MEF2D: variants seen among roughly 807,000 people sequenced by gnomAD.
MEF2D encodes myocyte enhancer factor 2D.
Under a neutral mutation model 59.3 loss-of-function variants are expected in MEF2D, and 10 were observed. The observed-to-expected ratio is 0.17, with a 90% CI of 0.10 to 0.29. MEF2D has a LOEUF of 0.29. Among genes scored for constraint, MEF2D ranks in the 10% least tolerant of loss-of-function variants. MEF2D has a pLI of 1.00. For missense variants in MEF2D, 508 were observed against 699.4 expected (o/e 0.73, Z 3.09); for synonymous variants, 305 against 295.0 (o/e 1.03, Z -0.35).
At position 156,467,601 on chromosome 1, in the gene MEF2D, T is replaced by A; in HGVS notation, c.*44A>T. On this transcript the variant is annotated 3_prime_UTR_variant, in exon 12 of 12. Transcript: ENST00000348159. ...CAGGGAAGGGCGGGCGGTGAGATTG[T>A]CAACTCTTCATCAGGGAGGCTGAGA... 7.6e-7 allele frequency: 1 copy of A among 1,314,874 alleles called. No homozygotes were observed. The highest frequency in any genetic ancestry group is 9.8e-7 in the Non-Finnish European group (1 of 1,022,314). The allele number at this position is 1,314,874 out of a possible 1,614,324, so 81.5% of individuals were successfully genotyped here.
intron 4 of MEF2D, 25 bp downstream of exon 4, chr1:156,480,809 C>G: frequency 6.3e-7 from 1 of 1,593,642 alleles, no homozygotes; most frequent in Non-Finnish European, 8.5e-7. Flanking sequence ...GGGGGGCCAA[C>G]AGAGACAGAG....
At chr1:156,479,201 C>T in intron 6 of MEF2D, 89 bp downstream of exon 6, 1 of 1,097,654 alleles carries the variant, frequency 9.1e-7, no homozygotes, top group South Asian at 1.6e-5. Context: ...CCTCTCCTCT[C>T]ATCTAGGTCG....
chr1:156,480,800 G>A, intron 4 of MEF2D, 34 bp downstream of exon 4: 1 of 1,595,904 alleles, frequency 6.3e-7, no homozygotes, highest in East Asian at 2.2e-5. Context: ...GGCCGGAAGG[G>A]GGGGCCAACA....
chr1:156,500,143 C>A (rs1673398696), intron 1 of MEF2D, among the ~76,000 whole-genome samples: 1 of 152,080 alleles, frequency 6.6e-6, no homozygotes, highest in Non-Finnish European at 1.5e-5. Flanking sequence ...CGGAGGATGG[C>A]GCCCCGTCCC....
Position 156,468,348 on chromosome 1 carries a change from G to A in MEF2D, c.1248-49C>T. The A allele has an allele frequency of 1.5e-6, 2 of 1,345,660 alleles. No homozygotes were observed. The highest frequency in any genetic ancestry group is 2.9e-5 in the African/African-American group (2 of 68,662). 83.4% of individuals were successfully genotyped at this position (1,345,660 alleles called of 1,614,324 possible). ...GGTACAAGGGATAAAAACAGAGGGG[G>A]TGAGTGACAGAACAAGTGATAGGAC... On this transcript the variant is annotated intron_variant, in intron 10 of 11. Transcript: ENST00000348159. The surrounding 1 kb of genome is among the most constrained non-coding windows in gnomAD (Gnocchi z 4.3).
Position 156,468,330 on chromosome 1 carries a change from G to A in MEF2D, c.1248-31C>T, listed in dbSNP as rs1415193435. 2.0e-6 allele frequency: 3 copies of A among 1,504,686 alleles called. No homozygotes were observed. The highest frequency in any genetic ancestry group is 2.7e-6 in the Non-Finnish European group (3 of 1,119,134). 93.2% of individuals were successfully genotyped at this position (1,504,686 alleles called of 1,614,324 possible). A position where few individuals can be genotyped will look rare whatever the true frequency, so the allele number is the denominator to read the frequency against. On this transcript the variant is annotated intron_variant, in intron 10 of 11. Transcript: ENST00000348159. This position sits in a 1 kb window ranked among gnomAD's most constrained non-coding sequence, Gnocchi z 4.3. ...GGCAGGCAATGGAAATGGGGTACAA[G>A]GGATAAAAACAGAGGGGGTGAGTGA... is the stretch of plus-strand genomic sequence containing the variant.
chr1:156,479,736 A>G lies in MEF2D; in HGVS notation c.457T>C (p.Ser153Pro), dbSNP rs1671861621. Reference sequence around the variant, plus strand: ...CCGCTGGGATTGCTGAACTGCAGTGAGCTCTGATTGGACACGGGCACCGTG... The same window carrying G: ...CCGCTGGGATTGCTGAACTGCAGTGGGCTCTGATTGGACACGGGCACCGTG... ...PVTVPVSNQS[S>P]LQFSNPSGSL... Residue 153 changes from serine to proline, a missense_variant, in exon 5 of 12, where the codon TCA becomes CCA. Physicochemically the swap from Ser to Pro is moderately conservative, Grantham distance 74 (BLOSUM62 -1). Coordinates refer to ENST00000348159, the MANE Select transcript of MEF2D (RefSeq NM_005920.4). The G allele has an allele frequency of 6.4e-7, 1 of 1,551,546 alleles. No individual in the cohort carries two copies. The highest frequency in any genetic ancestry group is 8.7e-7 in the Non-Finnish European group (1 of 1,146,978).
At chr1:156,474,726 C>G (rs1671451848) in intron 9 of MEF2D, among the ~76,000 whole-genome samples, 1 of 152,104 alleles carries the variant, frequency 6.6e-6, no homozygotes, top group Non-Finnish European at 1.5e-5. Flanking sequence ...AGGAGGATCA[C>G]TTGAGCCCAG....
At chr1:156,491,887 G>A (rs931137886) in intron 1 of MEF2D, among the ~76,000 whole-genome samples, 4 of 152,168 alleles carry the variant, frequency 2.6e-5, no homozygotes, top group African/African-American at 9.7e-5. Context: ...AGGCACTTGC[G>A]GACACCAAGT....
At chr1:156,476,570 C>T (rs752270248) in intron 7 of MEF2D, 56 bp from the exon 8 acceptor site, 2 of 1,590,628 alleles carry the variant, frequency 1.3e-6, no homozygotes, top group Admixed American at 1.8e-5. Flanking sequence ...TGCCCTCCCC[C>T]ACACCTCTGT....
At chr1:156,476,083 G>C (rs1011017008) in intron 8 of MEF2D, among the ~76,000 whole-genome samples, 1 of 152,148 alleles carries the variant, frequency 6.6e-6, no homozygotes, top group Non-Finnish European at 1.5e-5. Context: ...TCCTGTCCTG[G>C]ATCCCAAGAA....
intron 1 of MEF2D, among the ~76,000 whole-genome samples, chr1:156,492,496 C>T (rs1354176756): frequency 6.6e-6 from 1 of 151,004 alleles, no homozygotes; most frequent in Non-Finnish European, 1.5e-5. Flanking sequence ...TAAGTCTGAC[C>T]TACATTTGTC....
intron 6 of MEF2D, 144 bp from the exon 7 acceptor site, chr1:156,477,346 T>C (rs1671683205): frequency 4.6e-6 from 3 of 650,894 alleles, no homozygotes; most frequent in South Asian, 2.0e-5. Flanking sequence ...CTATCTGATA[T>C]TCCCTGAACA....
intron 9 of MEF2D, among the ~76,000 whole-genome samples, 199 bp downstream of exon 9, chr1:156,474,909 T>G (rs1477253738): frequency 1.3e-5 from 2 of 152,272 alleles, no homozygotes; most frequent in African/African-American, 2.4e-5. Flanking sequence ...AAAAACTACT[T>G]GTTTTATCTG....
chr1:156,496,580 C>A (rs192225191), intron 1 of MEF2D, among the ~76,000 whole-genome samples: 1 of 152,268 alleles, frequency 6.6e-6, no homozygotes, highest in East Asian at 1.9e-4. Context: ...CCAGTCAGCC[C>A]TTCTCTCTTC....
rs1343666802 is a variant in MEF2D at position 156,467,652 on chromosome 1, A to C, written c.1559T>G (p.Leu520Ter). The change falls in exon 12 of 12, where the codon TTA (leucine) becomes TGA (stop). Residue 520 changes from leucine to a stop codon, truncating the protein, a stop_gained. Transcript: ENST00000348159. LOFTEE classifies it high-confidence loss of function. ...VKRMRLDTWT[L>*]K ...GGAGGGGAGTGGGAATCGTCACTTT[A>C]ATGTCTGTGAAGAGAGGAGATGGAG... The C allele has an allele frequency of 3.8e-6, 5 of 1,325,952 alleles. No individual in the cohort carries two copies. The highest frequency in any genetic ancestry group is 4.9e-6 in the Non-Finnish European group (5 of 1,029,206). 82.1% of individuals were successfully genotyped at this position (1,325,952 alleles called of 1,614,324 possible). A position where few individuals can be genotyped will look rare whatever the true frequency, so the allele number is the denominator to read the frequency against.
At position 156,467,862 on chromosome 1, in the gene MEF2D, T is replaced by C. The variant is rs1008061387; in HGVS notation, c.1554+131A>G. 4 of 1,262,264 alleles carry C rather than the reference T, an allele frequency of 3.2e-6. No individual in the cohort carries two copies. The African/African-American group carries it at 6.0e-5, about 19-fold the overall frequency. 78.2% of individuals were successfully genotyped at this position (1,262,264 alleles called of 1,614,324 possible). On this transcript the variant is annotated intron_variant, in intron 11 of 11. Transcript: ENST00000348159. ...GGGTGAAGGGGTGTTGGTGCTGCCC[T>C]AGAAGGGCTGGCGGAAGGGGTAGCC...
chr1:156,485,574 GCT>G (rs1672306625), intron 1 of MEF2D, among the ~76,000 whole-genome samples: 2 of 139,458 alleles, frequency 1.4e-5, no homozygotes, highest in African/African-American at 5.4e-5. Flanking sequence ...ATAGGGTCTT[GCT>G]CTGTTGTCCA....
chr1:156,478,529 G>A (rs2102081676), intron 6 of MEF2D, among the ~76,000 whole-genome samples: 1 of 152,222 alleles, frequency 6.6e-6, no homozygotes, highest in South Asian at 2.1e-4. Context: ...TTCTTCTGTG[G>A]CTTATTTTTT....
Sources: gnomAD v4.1 joint callset for allele counts (sites outside exome capture counted in the v4.1 genomes callset) on GRCh38, gnomAD v4.1.1 for gene constraint, Gnocchi (gnomAD v3.1) non-coding constraint, MANE v1.5 for transcripts, NCBI Gene and HGNC (gene_info 2026-07-23, HGNC 2026-07-21) for gene names.